SFXN1: variants seen among roughly 807,000 people sequenced by gnomAD.
SFXN1 encodes sideroflexin 1.
SFXN1 carries 32 observed loss-of-function variants against 39.5 expected under a neutral mutation model. The ratio of observed to expected loss-of-function variants is 0.81; its 90% CI spans 0.61 to 1.09. SFXN1 has a LOEUF of 1.09. Ranked by LOEUF, SFXN1 falls within the 50% of genes least tolerant of loss-of-function variation. The pLI, the probability that SFXN1 is intolerant of heterozygous loss-of-function variation, is 0.00. For missense variants in SFXN1, 402 were observed against 407.1 expected (o/e 0.99, Z 0.11); for synonymous variants, 136 against 146.5 (o/e 0.93, Z 0.52).
At chr5:175,515,758 G>T (rs1473949744) in intron 7 of SFXN1, among the ~76,000 whole-genome samples, 5 of 152,270 alleles carry the variant, frequency 3.3e-5, no homozygotes, top group African/African-American at 1.2e-4. Context: ...CAGGGGTCAG[G>T]GGGATGGTTT....
In SFXN1 at chr5:175,509,150, G is replaced by A. The variant is rs1452912486; in HGVS notation, c.283G>A (p.Ala95Thr). Residue 95 changes from alanine (A) to threonine (T), a missense_variant, in exon 3 of 11, where the codon GCC becomes ACC. Coordinates refer to ENST00000321442, the MANE Select transcript of SFXN1 (RefSeq NM_022754.7). ...EKMILIGRMS[A>T]QVPMNMTITG... ...GATGATTTTGATAGGAAGAATGTCA[G>A]CCCAGGTTCCCATGAACATGACCAT... The A allele has an allele frequency of 6.2e-7, 1 of 1,613,634 alleles. No homozygotes were observed. The highest frequency in any genetic ancestry group is 1.1e-5 in the South Asian group (1 of 91,008).
intron 1 of SFXN1, among the ~76,000 whole-genome samples, chr5:175,489,491 G>A (rs1478585702): frequency 6.6e-6 from 1 of 152,178 alleles, no homozygotes; most frequent in African/African-American, 2.4e-5. Context: ...ATAGGAACTG[G>A]ACTCTGCTTT....
intron 2 of SFXN1, among the ~76,000 whole-genome samples, chr5:175,497,634 AAC>A (rs1400325811): frequency 6.6e-6 from 1 of 152,172 alleles, no homozygotes; most frequent in African/African-American, 2.4e-5. Context: ...ACTTGATTAA[AAC>A]ACAATCACAG....
intron 1 of SFXN1, among the ~76,000 whole-genome samples, chr5:175,485,229 A>G (rs1386713157): frequency 6.6e-6 from 1 of 152,226 alleles, no homozygotes; most frequent in Non-Finnish European, 1.5e-5. Context: ...AAGTAGAGGA[A>G]ACAGTGTTGT....
At chr5:175,504,148 C>T (rs1581294318) in intron 2 of SFXN1, among the ~76,000 whole-genome samples, 1 of 152,228 alleles carries the variant, frequency 6.6e-6, no homozygotes, top group Non-Finnish European at 1.5e-5. Context: ...GCATTCCACT[C>T]TTGAGAATGT....
At chr5:175,512,082 T>C (rs777022952) in intron 5 of SFXN1, 29 bp from the exon 6 acceptor site, 1 of 1,596,184 alleles carries the variant, frequency 6.3e-7, no homozygotes, top group East Asian at 2.2e-5. Flanking sequence ...AAAAATAAGA[T>C]AAAGCTCTTG....
At chr5:175,518,892 A>G (rs915029319) in intron 8 of SFXN1, among the ~76,000 whole-genome samples, 6 of 152,332 alleles carry the variant, frequency 3.9e-5, no homozygotes, top group South Asian at 2.1e-4. Flanking sequence ...AAATTGATCA[A>G]TTGGACTTCA....
intron 2 of SFXN1, among the ~76,000 whole-genome samples, chr5:175,495,830 A>C (rs1373857255): frequency 6.6e-6 from 1 of 152,116 alleles, no homozygotes; most frequent in African/African-American, 2.4e-5. Flanking sequence ...ACAAGTGATG[A>C]ATGTTGAAAC....
At chr5:175,524,125 AATATATATAT>A (rs771042074) in intron 10 of SFXN1, 269 of 32,390 alleles carry the variant, frequency 8.3e-3, no homozygotes, top group Middle Eastern at 0.024. Context: ...AAAAAAAAAA[AATATATATAT>A]ATATATATAT....
In SFXN1 at chr5:175,509,035, A is replaced by C; in HGVS notation, c.168A>C (p.Gln56His). 1 of 1,603,380 alleles carries C rather than the reference A, an allele frequency of 6.2e-7. No individual in the cohort carries two copies. Among genetic ancestry groups the C allele is most frequent in the South Asian group, 1.1e-5 (1 of 89,432 alleles). The part of the protein sequence containing the change: ...SARKIVHDYR[Q>H]GIVPPGLTEN... ...ATATTATTTGTTGTTTTCTTAGGCA[A>C]GGAATTGTTCCTCCTGGTCTTACAG... is the stretch of plus-strand genomic sequence containing the variant. Residue 56 changes from glutamine (Q) to histidine (H), a missense_variant, in exon 3 of 11, where the codon CAA becomes CAC. Coordinates refer to ENST00000321442, the MANE Select transcript of SFXN1 (RefSeq NM_022754.7).
At chr5:175,482,339 G>A (rs1417843667) in intron 1 of SFXN1, among the ~76,000 whole-genome samples, 2 of 152,202 alleles carry the variant, frequency 1.3e-5, no homozygotes, top group East Asian at 1.9e-4. Context: ...AAGATTAAAG[G>A]TCTTTGTACT....
chr5:175,481,941 G>C (rs1357950459), intron 1 of SFXN1, among the ~76,000 whole-genome samples: 1 of 152,226 alleles, frequency 6.6e-6, no homozygotes, highest in Non-Finnish European at 1.5e-5. Context: ...GGCTCCTTGA[G>C]TTAGTGTGAT....
chr5:175,510,853 T>C (rs937777871), intron 4 of SFXN1, among the ~76,000 whole-genome samples: 2 of 152,222 alleles, frequency 1.3e-5, no homozygotes, highest in African/African-American at 4.8e-5. Context: ...ACAACACATA[T>C]TCTTCTACTA....
intron 2 of SFXN1, among the ~76,000 whole-genome samples, chr5:175,493,709 G>A (rs1561657360): frequency 6.6e-6 from 1 of 152,212 alleles, no homozygotes; most frequent in Non-Finnish European, 1.5e-5. Flanking sequence ...ATGTTTACTG[G>A]AGGCAGTGGT....
chr5:175,500,520 A>G (rs1760036599), intron 2 of SFXN1, among the ~76,000 whole-genome samples: 1 of 151,832 alleles, frequency 6.6e-6, no homozygotes, highest in South Asian at 2.1e-4. Context: ...GTGTTCCTGT[A>G]TTGGAAGACT....
At chr5:175,516,137 C>G (rs539557387) in intron 7 of SFXN1, among the ~76,000 whole-genome samples, 3 of 152,166 alleles carry the variant, frequency 2.0e-5, no homozygotes, top group Non-Finnish European at 4.4e-5. Flanking sequence ...CCACTGCCCT[C>G]CTCCTGCTGG....
intron 2 of SFXN1, among the ~76,000 whole-genome samples, chr5:175,505,304 G>A (rs1760246035): frequency 1.3e-5 from 2 of 151,862 alleles, no homozygotes; most frequent in South Asian, 4.2e-4. Context: ...GGAGGCCGAG[G>A]CAGGGGCATC....
chr5:175,492,030 A>G lies in SFXN1; in HGVS notation c.-9-65A>G, dbSNP rs554086548. 2.3e-5 allele frequency: 30 copies of G among 1,285,942 alleles called. No homozygotes were observed. The South Asian group carries it at 3.7e-4, about 16-fold the overall frequency. The allele number at this position is 1,285,942 out of a possible 1,614,324, so 79.7% of individuals were successfully genotyped here. ...TTACTCAAAAATTTAAGGTGACTGT[A>G]AAGTTTCTAAATACGTAGTGACATT... On this transcript the variant is annotated intron_variant, in intron 1 of 10. Coordinates refer to ENST00000321442, the MANE Select transcript of SFXN1 (RefSeq NM_022754.7).
chr5:175,504,431 C>T (rs193160200), intron 2 of SFXN1, among the ~76,000 whole-genome samples: 4 of 151,802 alleles, frequency 2.6e-5, no homozygotes, highest in Admixed American at 2.0e-4. Flanking sequence ...AAAAACTAAC[C>T]GGGCGTGGTG....
Sources: gnomAD v4.1 joint callset for allele counts (sites outside exome capture counted in the v4.1 genomes callset) on GRCh38, gnomAD v4.1.1 for gene constraint, MANE v1.5 for transcripts, NCBI Gene and HGNC (gene_info 2026-07-23, HGNC 2026-07-21) for gene names.